ZNF423: variants seen among roughly 807,000 people sequenced by gnomAD.
The protein encoded by ZNF423 is Ebf-associated zinc finger protein.
In ZNF423, 12 loss-of-function variants were observed where a neutral mutation model predicts 95.8. That is an observed-to-expected ratio of 0.13 (90% CI 0.08 to 0.20). The LOEUF (loss-of-function observed/expected upper bound fraction) is 0.20. ZNF423 is among the 10% of genes least tolerant of loss of function. The pLI is 1.00. For missense variants in ZNF423, 1,316 were observed against 1,737.1 expected, an observed-to-expected ratio of 0.76 and a Z score of 4.31; for synonymous variants, 749 against 711.9, an observed-to-expected ratio of 1.05 and a Z score of -0.83.
intron 5 of ZNF423, among the ~76,000 whole-genome samples, chr16:49,546,601 G>A (rs574990792): frequency 2.6e-5 from 4 of 152,162 alleles, no homozygotes; most frequent in Non-Finnish European, 5.9e-5. Context: ...AAACTCGAGG[G>A]CAAGACATCA....
chr16:49,655,352 C>T (rs2029866329), intron 3 of ZNF423, among the ~76,000 whole-genome samples: 6 of 152,186 alleles, frequency 3.9e-5, no homozygotes, highest in Admixed American at 3.9e-4. Flanking sequence ...AGGGCTCTTT[C>T]TAGACCTCCC....
chr16:49,716,576 C>T (rs2143205127), intron 3 of ZNF423, among the ~76,000 whole-genome samples: 1 of 152,254 alleles, frequency 6.6e-6, no homozygotes, highest in South Asian at 2.1e-4. Context: ...TACATTTTTT[C>T]TCTGAGTTGG....
chr16:49,850,413 G>A (rs1402050869), intron 1 of ZNF423, among the ~76,000 whole-genome samples: 26 of 152,222 alleles, frequency 1.7e-4, no homozygotes, highest in Non-Finnish European at 1.5e-5. Flanking sequence ...CAACCACAGT[G>A]TATCGGGGTT....
In ZNF423 at chr16:49,622,536, G is replaced by A. The variant is rs371997763; in HGVS notation, c.3601+3634C>T. On this transcript the variant is annotated intron_variant, in intron 5 of 7. Transcript: ENST00000563137. ...GTTCAGCCATCTCTCCGAAGGCAAC[G>A]TCCCCCCTCTTCATCCTTCAATGCC... 5.9e-5 allele frequency among the ~76,000 whole-genome samples: 9 copies of A among 152,276 alleles called. No individual in the cohort carries two copies. The South Asian group carries it at 1.9e-3, about 32-fold the overall frequency.
intron 2 of ZNF423, among the ~76,000 whole-genome samples, chr16:49,761,516 G>T (rs927937103): frequency 5.3e-5 from 8 of 152,222 alleles, no homozygotes; most frequent in Non-Finnish European, 1.2e-4. Flanking sequence ...ACCACGCTCT[G>T]AGTAGCAAAG....
chr16:49,629,534 C>T (rs1972426444), intron 4 of ZNF423, among the ~76,000 whole-genome samples: 1 of 152,198 alleles, frequency 6.6e-6, no homozygotes. Context: ...GTCATCTCTT[C>T]TGAGAAGACT....
intron 5 of ZNF423, among the ~76,000 whole-genome samples, chr16:49,580,858 G>A (rs931164857): frequency 6.6e-6 from 1 of 152,138 alleles, no homozygotes; most frequent in Non-Finnish European, 1.5e-5. Flanking sequence ...TCTGTGGATC[G>A]TGAGAGCATA....
At chr16:49,520,084 A>G (rs1766718481) in intron 7 of ZNF423, among the ~76,000 whole-genome samples, 1 of 151,942 alleles carries the variant, frequency 6.6e-6, no homozygotes, top group African/African-American at 2.4e-5. Context: ...TATTTTTTTC[A>G]TGTCATTGGC....
chr16:49,858,771 G>A (rs962984650), upstream of ZNF423, among the ~76,000 whole-genome samples: 1 of 151,766 alleles, frequency 6.6e-6, no homozygotes, highest in African/African-American at 2.4e-5. This position sits in a 1 kb window ranked among gnomAD's most constrained non-coding sequence, Gnocchi z 4.3. Flanking sequence ...GGCTGAACCG[G>A]GGGTGCCAAG....
intron 3 of ZNF423, among the ~76,000 whole-genome samples, chr16:49,706,383 A>T (rs1426038900): frequency 2.6e-5 from 4 of 152,236 alleles, no homozygotes; most frequent in Non-Finnish European, 4.4e-5. Context: ...CTGCCTGGCC[A>T]ATCAGACAGA....
intron 2 of ZNF423, among the ~76,000 whole-genome samples, chr16:49,748,967 C>T (rs1380621208): frequency 6.6e-6 from 1 of 152,154 alleles, no homozygotes; most frequent in Non-Finnish European, 1.5e-5. Flanking sequence ...TGGTAAAGAC[C>T]AGCGTGACCA....
At chr16:49,708,583 C>T (rs956874743) in intron 3 of ZNF423, among the ~76,000 whole-genome samples, 9 of 152,174 alleles carry the variant, frequency 5.9e-5, no homozygotes, top group African/African-American at 2.2e-4. Flanking sequence ...AGCCACCATG[C>T]CCTGCTCTTC....
chr16:49,581,771 C>A (rs1227171927), intron 5 of ZNF423, among the ~76,000 whole-genome samples: 1 of 152,106 alleles, frequency 6.6e-6, no homozygotes, highest in Non-Finnish European at 1.5e-5. Flanking sequence ...AGTAACATTT[C>A]TTTTCTTTCA....
At chr16:49,693,017 T>G (rs1353759937) in intron 3 of ZNF423, among the ~76,000 whole-genome samples, 2 of 152,234 alleles carry the variant, frequency 1.3e-5, no homozygotes, top group East Asian at 3.8e-4. Context: ...GGGCAAACAT[T>G]ATGATGTATT....
At chr16:49,532,974 C>T (rs1968911159) in intron 5 of ZNF423, among the ~76,000 whole-genome samples, 1 of 152,166 alleles carries the variant, frequency 6.6e-6, no homozygotes, top group Non-Finnish European at 1.5e-5. Flanking sequence ...ATGCCAATTC[C>T]ACGCATGGGC....
chr16:49,646,798 T>C (rs1973190199), intron 3 of ZNF423, among the ~76,000 whole-genome samples: 1 of 152,120 alleles, frequency 6.6e-6, no homozygotes, highest in Non-Finnish European at 1.5e-5. Context: ...GGTCTTGAAC[T>C]CCTGACCTTG....
intron 5 of ZNF423, among the ~76,000 whole-genome samples, chr16:49,527,800 T>C (rs758044858): frequency 6.6e-6 from 1 of 152,112 alleles, no homozygotes. Flanking sequence ...AAACCTTTCC[T>C]ATATGCATGT....
chr16:49,782,176 G>T (rs996318480), intron 2 of ZNF423, among the ~76,000 whole-genome samples: 6 of 152,260 alleles, frequency 3.9e-5, no homozygotes, highest in South Asian at 4.1e-4. Context: ...CCGGGGCACA[G>T]AGCTGATTCC....
chr16:49,601,230 A>G (rs1475111858), intron 5 of ZNF423, among the ~76,000 whole-genome samples: 1 of 152,182 alleles, frequency 6.6e-6, no homozygotes, highest in Non-Finnish European at 1.5e-5. Flanking sequence ...CGGGTTCCAC[A>G]GCCATACCAC....
Sources: gnomAD v4.1 joint callset for allele counts (sites outside exome capture counted in the v4.1 genomes callset) on GRCh38, gnomAD v4.1.1 for gene constraint, Gnocchi (gnomAD v3.1) non-coding constraint, MANE v1.5 for transcripts, NCBI Gene and HGNC (gene_info 2026-07-23, HGNC 2026-07-21) for gene names.